Variants in OPA1 observed in about 807,000 individuals in gnomAD.
OPA1 encodes the protein dynamin-like GTPase OPA1, mitochondrial.
Under a neutral mutation model 152.9 loss-of-function variants are expected in OPA1, and 59 were observed. That is an observed-to-expected ratio of 0.39 (90% CI 0.31 to 0.48). The LOEUF is 0.48. Ranked by LOEUF, OPA1 falls within the 20% of genes least tolerant of loss-of-function variation. The pLI is 0.96. For synonymous variants in OPA1, 400 were observed against 389.9 expected (o/e 1.03, Z -0.31); for missense variants, 1,008 against 1,216.8 (o/e 0.83, Z 2.55).
At chr3:193,693,606 C>T (rs1250800372) in intron 30 of OPA1, among the ~76,000 whole-genome samples, 1 of 152,142 alleles carries the variant, frequency 6.6e-6, no homozygotes, top group African/African-American at 2.4e-5. Context: ...TGCCACTGCA[C>T]TCCAGCCTGG....
At position 193,593,328 on chromosome 3, in the gene OPA1, G is replaced by C. The variant is rs1476703434; in HGVS notation, c.-50G>C. 1.3e-6 allele frequency: 2 copies of C among 1,532,760 alleles called. No individual in the cohort carries two copies. The highest frequency in any genetic ancestry group is 2.0e-5 in the Admixed American group (1 of 48,902). The allele number at this position is 1,532,760 out of a possible 1,614,324, so 94.9% of individuals were successfully genotyped here. On this transcript the variant is annotated 5_prime_UTR_variant, in exon 1 of 31. Coordinates refer to ENST00000361510, the MANE Select transcript of OPA1 (RefSeq NM_130837.3). Reference sequence around the variant, plus strand: ...GGGAGCCGGGCTGGGGCTCACACGGGGGCTCCCGCGTGGCCGTCTCGGCGC... The same window carrying C: ...GGGAGCCGGGCTGGGGCTCACACGGCGGCTCCCGCGTGGCCGTCTCGGCGC...
intron 29 of OPA1, among the ~76,000 whole-genome samples, chr3:193,683,697 T>A (rs1261337607): frequency 1.3e-5 from 2 of 152,148 alleles, no homozygotes; most frequent in African/African-American, 4.8e-5. Context: ...GCAAAAAGAT[T>A]ATGACTTGCT....
chr3:193,686,342 C>T lies in OPA1; in HGVS notation c.2984-5721C>T, dbSNP rs948934110. ...ACCAGTCTTTAACAGTTTTCCTGGACGTGTGAATTGATGCCTCCTTCTGTA... is the reference window on the plus strand; with the variant it reads ...ACCAGTCTTTAACAGTTTTCCTGGATGTGTGAATTGATGCCTCCTTCTGTA... On this transcript the variant is annotated intron_variant, in intron 29 of 30. Transcript: ENST00000361510. Among the ~76,000 whole-genome samples the T allele has an allele frequency of 9.5e-5, 13 of 137,132 alleles. No individual in the cohort carries two copies. The East Asian group carries it at 1.4e-3, about 15-fold the overall frequency. The allele number at this position is 137,132 out of a possible 152,430, so 90.0% of individuals were successfully genotyped here.
chr3:193,600,695 C>G (rs183117439), intron 1 of OPA1, among the ~76,000 whole-genome samples: 5 of 152,106 alleles, frequency 3.3e-5, no homozygotes, highest in Admixed American at 2.0e-4. Context: ...AAGAGGTGCT[C>G]GTTTTCATTG....
intron 1 of OPA1, among the ~76,000 whole-genome samples, chr3:193,596,543 A>G (rs1725627187): frequency 6.6e-6 from 1 of 151,898 alleles, no homozygotes; most frequent in Admixed American, 6.6e-5. Context: ...TTTGGCGGCA[A>G]CTTAATTTTT....
At chr3:193,596,925 G>A (rs907965975) in intron 1 of OPA1, 7 of 152,170 alleles carry the variant, frequency 4.6e-5, no homozygotes, top group African/African-American at 1.2e-4. Flanking sequence ...GTGAGACTCC[G>A]TACTGAAACT....
intron 1 of OPA1, among the ~76,000 whole-genome samples, chr3:193,614,465 C>T (rs1394354601): frequency 3.3e-5 from 5 of 152,156 alleles, no homozygotes; most frequent in Non-Finnish European, 7.3e-5. Context: ...TAAGTCTTTG[C>T]ACCACATTTT....
At chr3:193,687,929 A>AT (rs554569905) in intron 29 of OPA1, among the ~76,000 whole-genome samples, 27 of 151,472 alleles carry the variant, frequency 1.8e-4, no homozygotes, top group Non-Finnish European at 2.8e-4. Context: ...AGATGAAGGG[A>AT]TTTTTTTTTC....
chr3:193,596,089 T>C (rs1289656030), intron 1 of OPA1, among the ~76,000 whole-genome samples: 2 of 151,986 alleles, frequency 1.3e-5, no homozygotes, highest in African/African-American at 4.8e-5. Context: ...TCCCAGTAGA[T>C]CCTTTTGTTC....
chr3:193,607,525 G>T (rs1006295908), intron 1 of OPA1, among the ~76,000 whole-genome samples: 2 of 152,044 alleles, frequency 1.3e-5, no homozygotes, highest in Admixed American at 6.6e-5. Context: ...ATAGGGAATC[G>T]TTTCCCCGTT....
At position 193,626,138 on chromosome 3, in the gene OPA1, A is replaced by G. The variant is rs779092265; in HGVS notation, c.725A>G (p.His242Arg). 3 of 1,614,140 alleles carry G rather than the reference A, an allele frequency of 1.9e-6. No individual in the cohort carries two copies. The highest frequency in any genetic ancestry group is 2.2e-5 in the East Asian group (1 of 44,872). Residue 242 changes from histidine (H) to arginine (R), a missense_variant, in exon 7 of 31, where the codon CAT becomes CGT. His to Arg is a conservative substitution (Grantham distance 29, BLOSUM62 0). This residue lies in a region of OPA1 where 408 missense variants were observed against 395.1 expected (regional missense o/e 1.03). Coordinates refer to ENST00000361510, the MANE Select transcript of OPA1 (RefSeq NM_130837.3). ...LILLQQQIQE[H>R]EEEARRAAGQ... ...CTCTTACAACAACAAATTCAAGAGC[A>G]TGAAGAGGAAGCGCGCAGAGCCGCT...
chr3:193,653,283 T>C (rs1047315599), intron 21 of OPA1, among the ~76,000 whole-genome samples: 1 of 152,196 alleles, frequency 6.6e-6, no homozygotes, highest in African/African-American at 2.4e-5. Context: ...AGGATCTGTG[T>C]TGATTGATTC....
chr3:193,614,642 T>A, intron 1 of OPA1, 81 bp from the exon 2 acceptor site: 4 of 1,046,588 alleles, frequency 3.8e-6, no homozygotes, highest in Non-Finnish European at 6.0e-6. Context: ...TGTGTTTCCT[T>A]TAGTATATTG....
chr3:193,652,346 C>T (rs551030348), intron 21 of OPA1, among the ~76,000 whole-genome samples: 93 of 151,586 alleles, frequency 6.1e-4, no homozygotes, highest in African/African-American at 2.1e-3. Context: ...TGTGCCACTG[C>T]ACTTCAGCCT....
chr3:193,652,304 C>T (rs1712681755), intron 21 of OPA1, among the ~76,000 whole-genome samples: 1 of 152,032 alleles, frequency 6.6e-6, no homozygotes, highest in South Asian at 2.1e-4. Flanking sequence ...ATCGCTTGAA[C>T]CCAGGAAGCG....
Position 193,617,699 on chromosome 3 carries a change from T to C in OPA1, c.557-85T>C. 6 of 1,009,842 alleles carry C rather than the reference T, an allele frequency of 5.9e-6. No individual in the cohort carries two copies. In the South Asian group the frequency reaches 7.7e-5, roughly 13 times the overall value. 62.6% of individuals were successfully genotyped at this position (1,009,842 alleles called of 1,614,324 possible). ...GCCCAATTATTGCCCTATCGTAATA[T>C]GAAATCTGAGATCTCAGACATCTTT... On this transcript the variant is annotated intron_variant, in intron 4 of 30. Transcript: ENST00000361510.
chr3:193,688,210 C>T (rs573632889), intron 29 of OPA1, among the ~76,000 whole-genome samples: 4 of 152,174 alleles, frequency 2.6e-5, no homozygotes, highest in South Asian at 2.1e-4. Context: ...ATTGACCGTA[C>T]GCAGTGATCA....
intron 29 of OPA1, among the ~76,000 whole-genome samples, chr3:193,683,349 G>A: frequency 6.6e-6 from 1 of 150,732 alleles, no homozygotes; most frequent in East Asian, 1.9e-4. Context: ...TGAAGATGCT[G>A]TGAACATTGT....
intron 1 of OPA1, among the ~76,000 whole-genome samples, chr3:193,609,179 A>G (rs1038524669): frequency 1.3e-5 from 2 of 152,184 alleles, no homozygotes; most frequent in African/African-American, 4.8e-5. Flanking sequence ...CGTGTCTTTT[A>G]ATTGGAGCAT....
Sources: gnomAD v4.1 joint callset for allele counts (sites outside exome capture counted in the v4.1 genomes callset) on GRCh38, gnomAD v4.1.1 for gene constraint, gnomAD v4.1.1 regional missense constraint, MANE v1.5 for transcripts, NCBI Gene and HGNC (gene_info 2026-07-23, HGNC 2026-07-21) for gene names.